RAB28: variants seen among roughly 807,000 people sequenced by gnomAD.
The protein encoded by RAB28 is RAB28, member RAS oncogene family.
RAB28 carries 24 observed loss-of-function variants against 31.7 expected under a neutral mutation model. The observed-to-expected ratio is 0.76, with a 90% CI of 0.55 to 1.06. The LOEUF (loss-of-function observed/expected upper bound fraction) is 1.06. Among genes scored for constraint, RAB28 ranks in the 50% least tolerant of loss-of-function variants. The pLI is 0.00. For synonymous variants in RAB28, 100 were observed against 90.4 expected (o/e 1.11, Z -0.60); for missense variants, 254 against 258.5 (o/e 0.98, Z 0.12).
At chr4:13,377,145 T>TA (rs1280245630) in intron 5 of RAB28, among the ~76,000 whole-genome samples, 1 of 152,160 alleles carries the variant, frequency 6.6e-6, no homozygotes, top group Non-Finnish European at 1.5e-5. Flanking sequence ...TGGTACTGTT[T>TA]ACTATATTTT....
At chr4:13,370,194 T>G (rs148820060) in intron 6 of RAB28, 5 of 977,052 alleles carry the variant, frequency 5.1e-6, no homozygotes, top group Non-Finnish European at 6.1e-6. Context: ...AGAAACATTA[T>G]TCTTTGTAAT....
intron 4 of RAB28, among the ~76,000 whole-genome samples, chr4:13,434,295 T>C (rs1713973540): frequency 6.6e-6 from 1 of 152,128 alleles, no homozygotes; most frequent in African/African-American, 2.4e-5. Flanking sequence ...AACCTACACA[T>C]GTGCCCCCGC....
At chr4:13,436,072 G>C (rs1427466861) in intron 4 of RAB28, among the ~76,000 whole-genome samples, 1 of 152,058 alleles carries the variant, frequency 6.6e-6, no homozygotes, top group Non-Finnish European at 1.5e-5. Context: ...CAATAAATGT[G>C]ATTCACCACA....
At chr4:13,425,640 ATCTTGAAGAT>A (rs1333484439) in intron 4 of RAB28, among the ~76,000 whole-genome samples, 1 of 152,130 alleles carries the variant, frequency 6.6e-6, no homozygotes, top group Non-Finnish European at 1.5e-5. Flanking sequence ...TTTCTTCAAG[ATCTTGAAGAT>A]ACTGTCATTA....
At chr4:13,377,905 G>C (rs1392193930) in intron 5 of RAB28, among the ~76,000 whole-genome samples, 1 of 152,140 alleles carries the variant, frequency 6.6e-6, no homozygotes, top group Non-Finnish European at 1.5e-5. Context: ...AGGCTCCAAA[G>C]TTTTTTTGGC....
chr4:13,385,634 C>T (rs1205923410), intron 4 of RAB28, among the ~76,000 whole-genome samples: 1 of 152,066 alleles, frequency 6.6e-6, no homozygotes, highest in African/African-American at 2.4e-5. Flanking sequence ...AGCAAATGCT[C>T]AGGGAATTCT....
chr4:13,480,548 C>T (rs1002775313), intron 1 of RAB28, among the ~76,000 whole-genome samples: 4 of 151,766 alleles, frequency 2.6e-5, no homozygotes, highest in African/African-American at 9.7e-5. Context: ...ATGACATAAG[C>T]AGTACAATAG....
At chr4:13,370,295 T>G in intron 6 of RAB28, 1 of 964,196 alleles carries the variant, frequency 1.0e-6, no homozygotes, top group Non-Finnish European at 1.2e-6. Flanking sequence ...ACATATATAA[T>G]GCCCAGAATT....
intron 4 of RAB28, among the ~76,000 whole-genome samples, chr4:13,449,702 T>C (rs921393563): frequency 6.6e-6 from 1 of 151,924 alleles, no homozygotes; most frequent in Admixed American, 6.6e-5. Flanking sequence ...TATTAGTCTT[T>C]ATTTGCAAAA....
At chr4:13,473,378 A>G (rs1201293681) in intron 3 of RAB28, among the ~76,000 whole-genome samples, 1 of 151,890 alleles carries the variant, frequency 6.6e-6, no homozygotes, top group African/African-American at 2.4e-5. Context: ...AAAAGTAGAG[A>G]AAAAAAGCAA....
intron 2 of RAB28, among the ~76,000 whole-genome samples, chr4:13,476,251 T>C (rs1716354979): frequency 6.6e-6 from 1 of 151,536 alleles, no homozygotes; most frequent in Non-Finnish European, 1.5e-5. Flanking sequence ...TACAATCATA[T>C]CAAGACCCTA....
chr4:13,455,594 T>C (rs998915663), intron 4 of RAB28, among the ~76,000 whole-genome samples: 1 of 152,202 alleles, frequency 6.6e-6, no homozygotes, highest in African/African-American at 2.4e-5. Context: ...GATGGCACCA[T>C]GCTGCAGCAG....
chr4:13,393,742 A>G (rs1482726958), intron 4 of RAB28, among the ~76,000 whole-genome samples: 1 of 151,626 alleles, frequency 6.6e-6, no homozygotes, highest in African/African-American at 2.4e-5. Context: ...GGCAAGTTTT[A>G]TACATATTAT....
chr4:13,436,059 A>G (rs1258875043), intron 4 of RAB28, among the ~76,000 whole-genome samples: 1 of 152,216 alleles, frequency 6.6e-6, no homozygotes, highest in African/African-American at 2.4e-5. Context: ...AGCATATACA[A>G]ATCAATAAAT....
At chr4:13,428,067 A>G (rs1385529664) in intron 4 of RAB28, among the ~76,000 whole-genome samples, 1 of 152,208 alleles carries the variant, frequency 6.6e-6, no homozygotes, top group Non-Finnish European at 1.5e-5. Context: ...TGCATCAGTA[A>G]TCAGAACGGA....
At chr4:13,435,971 A>G (rs954935957) in intron 4 of RAB28, among the ~76,000 whole-genome samples, 5 of 152,168 alleles carry the variant, frequency 3.3e-5, no homozygotes, top group African/African-American at 1.2e-4. Flanking sequence ...CTACAAAAAC[A>G]GTGGCAAATC....
At chr4:13,466,628 G>C (rs1700484684) in intron 3 of RAB28, among the ~76,000 whole-genome samples, 1 of 151,874 alleles carries the variant, frequency 6.6e-6, no homozygotes, top group African/African-American at 2.4e-5. Context: ...ATGGGAAACT[G>C]TATGGAGGTT....
At position 13,484,218 on chromosome 4, in the gene RAB28, G is replaced by T. The variant is rs548534906; in HGVS notation, c.-68C>A. On this transcript the variant is annotated 5_prime_UTR_variant, in exon 1 of 7. Coordinates refer to ENST00000330852, the MANE Select transcript of RAB28 (RefSeq NM_001017979.3). ...AGGGAAGGATGAAGGCTCCGGGGGCGGGGGAGAGGAGGAAGGGAGGTAGTT... is the reference window on the plus strand; with the variant it reads ...AGGGAAGGATGAAGGCTCCGGGGGCTGGGGAGAGGAGGAAGGGAGGTAGTT... 1 of 1,313,124 alleles carries T rather than the reference G, an allele frequency of 7.6e-7. No homozygotes were observed. The highest frequency in any genetic ancestry group is 2.5e-5 in the East Asian group (1 of 39,648). The allele number at this position is 1,313,124 out of a possible 1,614,324, so 81.3% of individuals were successfully genotyped here.
chr4:13,460,873 G>GA (rs1254201903), intron 3 of RAB28, 45 bp from the exon 4 acceptor site: 3 of 1,564,602 alleles, frequency 1.9e-6, no homozygotes, highest in South Asian at 1.2e-5. Context: ...ATTATTTGGT[G>GA]AAAAAATCTT....
Sources: allele counts gnomAD v4.1 joint callset (sites outside exome capture counted in the v4.1 genomes callset), GRCh38; gene constraint gnomAD v4.1.1; transcripts MANE v1.5; gene names NCBI Gene and HGNC (gene_info 2026-07-23, HGNC 2026-07-21).